CACNA2D3: variants seen among roughly 807,000 people sequenced by gnomAD.
CACNA2D3 encodes the protein voltage-dependent calcium channel subunit alpha-2/delta-3.
A neutral mutation model predicts 160.6 loss-of-function variants in CACNA2D3; 60 were observed. The observed-to-expected ratio is 0.37, with a 90% CI of 0.30 to 0.46. The LOEUF (loss-of-function observed/expected upper bound fraction) is 0.46, where lower values mean the gene tolerates loss of function less well. Among genes scored for constraint, CACNA2D3 ranks in the 20% least tolerant of loss-of-function variants. The pLI is 1.00. For missense variants in CACNA2D3, 1,205 were observed against 1,365.0 expected (o/e 0.88, Z 1.85); for synonymous variants, 558 against 492.9 (o/e 1.13, Z -1.75).
intron 11 of CACNA2D3, among the ~76,000 whole-genome samples, chr3:54,721,027 A>T (rs141034089): frequency 1.6e-4 from 24 of 152,154 alleles, no homozygotes; most frequent in African/African-American, 5.3e-4. Flanking sequence ...AAATATTTCT[A>T]TTATTCAGTT....
intron 5 of CACNA2D3, among the ~76,000 whole-genome samples, chr3:54,509,390 A>G (rs1419747888): frequency 2.0e-5 from 3 of 152,114 alleles, no homozygotes; most frequent in Non-Finnish European, 2.9e-5. Flanking sequence ...AACAAATTCC[A>G]ACTTGAAATG....
At chr3:54,240,191 T>C (rs913743777) in intron 2 of CACNA2D3, among the ~76,000 whole-genome samples, 2 of 151,906 alleles carry the variant, frequency 1.3e-5, no homozygotes, top group East Asian at 1.9e-4. Context: ...AAGAATTCAT[T>C]GGTGATGGTC....
rs972012018 is a variant in CACNA2D3, at chr3:54,987,430, G to A, written c.2620-253G>A. On this transcript the variant is annotated intron_variant, in intron 30 of 37. Coordinates refer to ENST00000474759, the MANE Select transcript of CACNA2D3 (RefSeq NM_018398.3). ...TGTGTGTGCACATGTGTGTGCATGC[G>A]TGTTTTAATTTCAGCATTCAGCATG... Among the ~76,000 whole-genome samples, 10 of 152,104 alleles carry A rather than the reference G, an allele frequency of 6.6e-5. 1 individual carries two copies. The highest frequency in any genetic ancestry group is 4.1e-4 in the South Asian group (2 of 4,820).
chr3:54,794,439 G>A (rs1702826284), intron 13 of CACNA2D3, among the ~76,000 whole-genome samples: 1 of 152,092 alleles, frequency 6.6e-6, no homozygotes, highest in African/African-American at 2.4e-5. Context: ...AGTTAATAAA[G>A]TGAGGAAGAA....
intron 34 of CACNA2D3, among the ~76,000 whole-genome samples, chr3:55,010,668 G>C (rs1365176287): frequency 6.6e-6 from 1 of 152,150 alleles, no homozygotes; most frequent in Non-Finnish European, 1.5e-5. Flanking sequence ...TTTTAAAAAA[G>C]AGATTGATTA....
intron 2 of CACNA2D3, among the ~76,000 whole-genome samples, chr3:54,226,460 G>T (rs776808583): frequency 6.6e-6 from 1 of 151,806 alleles, no homozygotes; most frequent in African/African-American, 2.4e-5. Context: ...GTGCCACCAC[G>T]TCCAGCTAAT....
chr3:54,950,208 G>A (rs958588183), intron 27 of CACNA2D3, among the ~76,000 whole-genome samples: 1 of 152,204 alleles, frequency 6.6e-6, no homozygotes, highest in Non-Finnish European at 1.5e-5. Context: ...TTCTGAGCTG[G>A]CAAACTTCAA....
chr3:55,005,104 T>C (rs183308870), intron 32 of CACNA2D3, among the ~76,000 whole-genome samples: 3,292 of 151,972 alleles, frequency 0.022, 114 homozygotes, highest in African/African-American at 0.074. Flanking sequence ...GGTGAAACCC[T>C]GTCTCTACTA....
intron 11 of CACNA2D3, among the ~76,000 whole-genome samples, chr3:54,671,668 G>A (rs1700164880): frequency 1.3e-5 from 2 of 152,264 alleles, no homozygotes; most frequent in Middle Eastern, 3.4e-3. Flanking sequence ...CAGGAATGGG[G>A]GATCTTTTGG....
chr3:54,714,534 C>A (rs2106970383), intron 11 of CACNA2D3, among the ~76,000 whole-genome samples: 1 of 152,288 alleles, frequency 6.6e-6, no homozygotes, highest in South Asian at 2.1e-4. Context: ...AGAGCAATGG[C>A]CGTGCTTGGA....
chr3:54,342,020 C>T (rs561423173), intron 3 of CACNA2D3, among the ~76,000 whole-genome samples: 5 of 152,168 alleles, frequency 3.3e-5, no homozygotes, highest in African/African-American at 4.8e-5. Flanking sequence ...CTCTCCATCT[C>T]GTAGGTGAGG....
intron 12 of CACNA2D3, among the ~76,000 whole-genome samples, chr3:54,759,595 T>C (rs575025141): frequency 6.6e-6 from 1 of 152,308 alleles, no homozygotes; most frequent in South Asian, 2.1e-4. Context: ...ATTTTATCTT[T>C]TCTTACCTTT....
chr3:54,640,411 A>G (rs2106843086), intron 10 of CACNA2D3, among the ~76,000 whole-genome samples: 1 of 152,208 alleles, frequency 6.6e-6, no homozygotes, highest in East Asian at 1.9e-4. Flanking sequence ...GGGATTTTAA[A>G]GGACATGGTA....
chr3:54,319,787 G>A (rs11716076), intron 2 of CACNA2D3, among the ~76,000 whole-genome samples: 13,316 of 152,056 alleles, frequency 0.088, 649 homozygotes, highest in Middle Eastern at 0.14. Context: ...AAAACTCATT[G>A]CATGTTAACA....
At chr3:54,629,853 T>A (rs1486188126) in intron 10 of CACNA2D3, among the ~76,000 whole-genome samples, 4 of 152,168 alleles carry the variant, frequency 2.6e-5, no homozygotes, top group Non-Finnish European at 5.9e-5. Flanking sequence ...GTCCCTTGTT[T>A]GGAAGTCTTC....
intron 13 of CACNA2D3, among the ~76,000 whole-genome samples, chr3:54,783,625 T>TAAAA (rs1188514659): frequency 1.3e-5 from 2 of 149,150 alleles, no homozygotes; most frequent in African/African-American, 5.1e-5. Context: ...AATAAATAAA[T>TAAAA]AAAAATAAAA....
At chr3:54,903,636 G>GT (rs1700389540) in intron 27 of CACNA2D3, among the ~76,000 whole-genome samples, 2 of 152,252 alleles carry the variant, frequency 1.3e-5, no homozygotes, top group African/African-American at 4.8e-5. Context: ...TCGCAACACT[G>GT]TTTTCTACAA....
chr3:54,204,796 GAAAAAAAA>G (rs57129457), intron 2 of CACNA2D3, among the ~76,000 whole-genome samples: 2 of 74,058 alleles, frequency 2.7e-5, no homozygotes, highest in Non-Finnish European at 5.9e-5. Context: ...ATGCTGTCTT[GAAAAAAAA>G]AAAAAAAAAA....
intron 2 of CACNA2D3, among the ~76,000 whole-genome samples, chr3:54,248,193 T>C (rs1414775739): frequency 6.6e-6 from 1 of 152,112 alleles, no homozygotes; most frequent in Admixed American, 6.5e-5. Context: ...GGAGCCTGGC[T>C]GGGCTTGGTG....
Sources: allele counts gnomAD v4.1 joint callset (sites outside exome capture counted in the v4.1 genomes callset), GRCh38; gene constraint gnomAD v4.1.1; transcripts MANE v1.5; gene names NCBI Gene and HGNC (gene_info 2026-07-23, HGNC 2026-07-21).